Variants in NHSL2 observed in about 807,000 individuals in gnomAD.
NHSL2 encodes NHS like 2.
In NHSL2, 27 loss-of-function variants were observed where a neutral mutation model predicts 53.4. The ratio of observed to expected loss-of-function variants is 0.51; its 90% CI spans 0.37 to 0.70. NHSL2 has a LOEUF of 0.70. Ranked by LOEUF, NHSL2 falls within the 30% of genes least tolerant of loss-of-function variation. The pLI is 0.00. For missense variants in NHSL2, 892 were observed against 980.1 expected (o/e 0.91, Z 1.20); for synonymous variants, 408 against 404.1 (o/e 1.01, Z -0.12).
chrX:72,018,319 T>C (rs1203019225), intron 1 of NHSL2, among the ~76,000 whole-genome samples: 1 of 111,698 alleles, frequency 9.0e-6, no homozygotes, highest in Admixed American at 9.4e-5. Flanking sequence ...TCTTATCTGC[T>C]TGACCCCGGC....
At chrX:72,041,218 T>A (rs1489712866) in intron 1 of NHSL2, among the ~76,000 whole-genome samples, 1 of 111,968 alleles carries the variant, frequency 8.9e-6, no homozygotes, top group African/African-American at 3.3e-5. Flanking sequence ...GGATCTCAGC[T>A]GAAGGCTAAG....
intron 1 of NHSL2, among the ~76,000 whole-genome samples, chrX:71,979,536 T>C (rs1408083055): frequency 8.9e-6 from 1 of 112,786 alleles, no homozygotes; most frequent in Non-Finnish European, 1.9e-5. Flanking sequence ...TTTTCACATG[T>C]CTGTTGGCTG....
chrX:71,969,306 CT>C (rs775716586), intron 1 of NHSL2, among the ~76,000 whole-genome samples: 248 of 80,831 alleles, frequency 3.1e-3, no homozygotes, highest in African/African-American at 4.6e-3. Flanking sequence ...TTCTTTTTTT[CT>C]TTTTTTTTTT....
intron 1 of NHSL2, among the ~76,000 whole-genome samples, chrX:71,986,517 A>C (rs1473692660): frequency 8.9e-6 from 1 of 112,328 alleles, no homozygotes; most frequent in Admixed American, 9.4e-5. Context: ...AAAGTCATAG[A>C]CAAAAACCTT....
At chrX:71,919,379 T>C (rs1384147284) in intron 1 of NHSL2, among the ~76,000 whole-genome samples, 1 of 111,652 alleles carries the variant, frequency 9.0e-6, no homozygotes, top group Non-Finnish European at 1.9e-5. Flanking sequence ...ATTAATGAAA[T>C]GCCTGGTGCC....
At chrX:71,932,582 G>T (rs1362698812) in intron 1 of NHSL2, among the ~76,000 whole-genome samples, 2 of 111,561 alleles carry the variant, frequency 1.8e-5, no homozygotes, top group African/African-American at 6.5e-5. Context: ...CTGCAGAGGA[G>T]GTGGACAGAT....
rs1412040464 is a variant in NHSL2, at chrX:72,028,247, G to T, written c.281-103832G>T. Among the ~76,000 whole-genome samples the T allele has an allele frequency of 2.7e-5, 3 of 111,870 alleles. No homozygotes were observed. In the East Asian group the frequency reaches 8.4e-4, roughly 31 times the overall value. ...TGGATGACTACAAGCAAGGCTTTTA[G>T]CTTTTAAGGACTTCAGTTTACACTT... On this transcript the variant is annotated intron_variant, in intron 1 of 7. Coordinates refer to ENST00000633930, the MANE Select transcript of NHSL2 (RefSeq NM_001013627.3).
chrX:72,117,834 A>ATTTG (rs2042152044), intron 1 of NHSL2, among the ~76,000 whole-genome samples: 1 of 106,540 alleles, frequency 9.4e-6, no homozygotes, highest in South Asian at 4.1e-4. Flanking sequence ...TTATTTATTT[A>ATTTG]TTTATTTATT....
In NHSL2 at chrX:72,138,488, G is replaced by A. The variant is rs370964192; in HGVS notation, c.940G>A (p.Asp314Asn). ...AGSVAHSTTS[D>N]IRPSHSVPEG... Reference sequence around the variant, plus strand: ...CAGTGTGGCCCACTCTACCACCTCCGACATCAGGCCCAGTCACTCAGTTCC... The same window carrying A: ...CAGTGTGGCCCACTCTACCACCTCCAACATCAGGCCCAGTCACTCAGTTCC... Residue 314 changes from aspartate to asparagine, a missense_variant, in exon 6 of 8, where the codon GAC becomes AAC. By Grantham distance (23) the Asp-to-Asn change is conservative. Coordinates refer to ENST00000633930, the MANE Select transcript of NHSL2 (RefSeq NM_001013627.3). 7 of 1,160,795 alleles carry A rather than the reference G, an allele frequency of 6.0e-6. No individual in the cohort carries two copies. Among genetic ancestry groups the A allele is most frequent in the African/African-American group, 3.6e-5 (2 of 55,666 alleles).
At chrX:71,972,039 T>C (rs1207718204) in intron 1 of NHSL2, among the ~76,000 whole-genome samples, 1 of 106,416 alleles carries the variant, frequency 9.4e-6, no homozygotes, top group African/African-American at 3.4e-5. Flanking sequence ...TTTATTTTAC[T>C]TTTTTTTTTT....
At chrX:71,977,258 GATA>G (rs1200668223) in intron 1 of NHSL2, among the ~76,000 whole-genome samples, 1 of 111,782 alleles carries the variant, frequency 8.9e-6, no homozygotes. Flanking sequence ...TAAAGTGGCA[GATA>G]ATAATAACAC....
At chrX:72,074,415 C>A (rs963422353) in intron 1 of NHSL2, among the ~76,000 whole-genome samples, 14 of 112,196 alleles carry the variant, frequency 1.2e-4, no homozygotes, top group African/African-American at 4.2e-4. Flanking sequence ...ATTTTCTAGT[C>A]AGACTTAATG....
chrX:71,964,267 T>C (rs1278322608), intron 1 of NHSL2, among the ~76,000 whole-genome samples: 1 of 94,460 alleles, frequency 1.1e-5, no homozygotes, highest in African/African-American at 3.8e-5. Flanking sequence ...CCTGTGTCCA[T>C]GTGTTCTCAT....
In NHSL2 at chrX:72,137,932, G is replaced by A. The variant is rs745501236; in HGVS notation, c.893-509G>A. On this transcript the variant is annotated intron_variant, in intron 5 of 7. Coordinates refer to ENST00000633930, the MANE Select transcript of NHSL2 (RefSeq NM_001013627.3). ...ACATCCAAACGGTTTCCTCACATCC[G>A]TAGATTATCCTCAGCCTCTTATGTT... Among the ~76,000 whole-genome samples, 9 of 111,729 alleles carry A rather than the reference G, an allele frequency of 8.1e-5. No individual in the cohort carries two copies. In the South Asian group the frequency reaches 1.1e-3, roughly 14 times the overall value.
chrX:72,040,714 T>G (rs1202521926), intron 1 of NHSL2, among the ~76,000 whole-genome samples: 1 of 112,544 alleles, frequency 8.9e-6, no homozygotes, highest in Non-Finnish European at 1.9e-5. Flanking sequence ...TCCACAGAGC[T>G]GTCACTTTGG....
At chrX:72,016,065 A>T (rs1339099171) in intron 1 of NHSL2, among the ~76,000 whole-genome samples, 2 of 112,277 alleles carry the variant, frequency 1.8e-5, no homozygotes, top group Non-Finnish European at 3.8e-5. Flanking sequence ...TCTCCATACC[A>T]AAGTCACAAA....
intron 1 of NHSL2, among the ~76,000 whole-genome samples, chrX:72,088,827 G>A (rs1291395056): frequency 4.5e-5 from 5 of 112,329 alleles, no homozygotes; most frequent in African/African-American, 1.3e-4. Flanking sequence ...TTTCATATTT[G>A]ATTGTGTTCT....
intron 1 of NHSL2, among the ~76,000 whole-genome samples, chrX:72,042,604 G>A (rs1426154224): frequency 9.0e-6 from 1 of 111,087 alleles, no homozygotes; most frequent in African/African-American, 3.3e-5. Context: ...GACTAGGGTG[G>A]TGTGTCCTGG....
intron 1 of NHSL2, among the ~76,000 whole-genome samples, chrX:71,963,993 G>A (rs74544749): frequency 0.018 from 426 of 23,247 alleles, 16 homozygotes; most frequent in African/African-American, 0.073. Flanking sequence ...ATATATATAT[G>A]TATATACATA....
Sources: allele counts gnomAD v4.1 joint callset (sites outside exome capture counted in the v4.1 genomes callset), GRCh38; gene constraint gnomAD v4.1.1; transcripts MANE v1.5; gene names NCBI Gene and HGNC (gene_info 2026-07-23, HGNC 2026-07-21).